ACSM2B: variants seen among roughly 807,000 people sequenced by gnomAD.
ACSM2B encodes acyl-CoA synthetase medium chain family member 2B, also known as acyl-coenzyme A synthetase ACSM2B, mitochondrial.
ACSM2B carries 58 observed loss-of-function variants against 78.6 expected under a neutral mutation model. The observed-to-expected ratio is 0.74, with a 90% CI of 0.60 to 0.92. The LOEUF (loss-of-function observed/expected upper bound fraction) is 0.92, where lower values mean the gene tolerates loss of function less well. Ranked by LOEUF, ACSM2B falls within the 40% of genes least tolerant of loss-of-function variation. The probability of loss-of-function intolerance (pLI) is 0.00; values close to 1 mark genes in which losing one functional copy is unlikely to be tolerated. For missense variants in ACSM2B, 688 were observed against 711.2 expected, an observed-to-expected ratio of 0.97 and a Z score of 0.37; for synonymous variants, 257 against 256.8, an observed-to-expected ratio of 1.00 and a Z score of -0.01.
At chr16:20,540,199 G>T (rs1370742276) in intron 13 of ACSM2B, among the ~76,000 whole-genome samples, 1 of 151,064 alleles carries the variant, frequency 6.6e-6, no homozygotes, top group Non-Finnish European at 1.5e-5. Context: ...GCTTTCTTGA[G>T]CATAGGAAGA....
intron 12 of ACSM2B, 175 bp downstream of exon 12, chr16:20,542,739 G>T: frequency 1.3e-6 from 1 of 762,802 alleles, no homozygotes; most frequent in Non-Finnish European, 2.1e-6. Context: ...TACAGATGAA[G>T]AAACTGAGAA....
Position 20,540,864 on chromosome 16 carries a change from C to A in ACSM2B, c.1510-91G>T, listed in dbSNP as rs2014969803. The A allele has an allele frequency of 7.9e-6, 12 of 1,518,368 alleles. No homozygotes were observed. In the East Asian group the frequency reaches 2.6e-4, roughly 33 times the overall value. 94.1% of individuals were successfully genotyped at this position (1,518,368 alleles called of 1,614,324 possible). A position where few individuals can be genotyped will look rare whatever the true frequency, so the allele number is the denominator to read the frequency against. On this transcript the variant is annotated intron_variant, in intron 12 of 13. Transcript: ENST00000329697. ...GAAATTAGCATTAAGACTTGCATCA[C>A]CCTTGTATCTACTCATTTGCACCCC...
chr16:20,549,301 T>A (rs2015233851), intron 6 of ACSM2B, among the ~76,000 whole-genome samples: 1 of 152,080 alleles, frequency 6.6e-6, no homozygotes, highest in African/African-American at 2.4e-5. Flanking sequence ...AGAAAATAAA[T>A]TTATTTCTTG....
chr16:20,554,406 A>T (rs191809323), intron 4 of ACSM2B, among the ~76,000 whole-genome samples: 2 of 152,310 alleles, frequency 1.3e-5, no homozygotes, highest in Admixed American at 1.3e-4. Flanking sequence ...TCTCTTGGAC[A>T]TCTCCAGTGT....
intron 1 of ACSM2B, among the ~76,000 whole-genome samples, chr16:20,565,406 A>G (rs1462747676): frequency 1.3e-5 from 2 of 152,156 alleles, no homozygotes; most frequent in African/African-American, 4.8e-5. Flanking sequence ...CTGTACCTTC[A>G]GACTGGGACC....
chr16:20,548,244 C>T (rs537623821), intron 7 of ACSM2B, 59 bp from the exon 8 acceptor site: 10 of 1,611,798 alleles, frequency 6.2e-6, no homozygotes, highest in Non-Finnish European at 7.6e-6. Flanking sequence ...TCCACTCAGG[C>T]CTAGACTTGG....
Position 20,574,926 on chromosome 16 carries a change from C to G in ACSM2B, c.-9+1281G>C, listed in dbSNP as rs556109168. 1.7e-4 allele frequency among the ~76,000 whole-genome samples: 25 copies of G among 148,232 alleles called. No homozygotes were observed. In the South Asian group the frequency reaches 5.1e-3, roughly 30 times the overall value. ...TTTATCCACTGAACTTAGGAGCAAC[C>G]AACCAGCTTCATTATGTTCCTTAGT... On this transcript the variant is annotated intron_variant, in intron 1 of 13. Coordinates refer to ENST00000329697, the MANE Select transcript of ACSM2B (RefSeq NM_001105069.2).
chr16:20,566,250 TATATATATATATATA>T (rs2015832073), intron 1 of ACSM2B, among the ~76,000 whole-genome samples: 1 of 42,330 alleles, frequency 2.4e-5, no homozygotes, highest in Admixed American at 2.5e-4. Flanking sequence ...TGGAAGATTA[TATATATATATATATA>T]TATATATATA....
chr16:20,566,553 TA>T (rs2015853351), intron 1 of ACSM2B, among the ~76,000 whole-genome samples: 1 of 102,184 alleles, frequency 9.8e-6, no homozygotes, highest in Non-Finnish European at 1.8e-5. Context: ...AACTATATAC[TA>T]TATATAGTAT....
In ACSM2B at chr16:20,555,418, C is replaced by T. The variant is rs1327327493; in HGVS notation, c.447G>A (p.Leu149=). 1.2e-6 allele frequency: 2 copies of T among 1,613,776 alleles called. No individual in the cohort carries two copies. Among genetic ancestry groups the T allele is most frequent in the African/African-American group, 2.7e-5 (2 of 74,904 alleles). Reference sequence around the variant, plus strand: ...CAATAGCCTTGGCCTTAGACATCTGCAACCTATACAGTATGTCAGTGGATT... The same window carrying T: ...CAATAGCCTTGGCCTTAGACATCTGTAACCTATACAGTATGTCAGTGGATT... ...QMKSTDILYR[L]QMSKAKAIVA... Residue 149 remains leucine (L), a synonymous_variant, in exon 4 of 14, where the codon TTG becomes TTA. Transcript: ENST00000329697.
chr16:20,555,147 C>G (rs781736539), intron 4 of ACSM2B, 122 bp downstream of exon 4: 6 of 1,476,454 alleles, frequency 4.1e-6, no homozygotes, highest in Non-Finnish European at 5.5e-6. Context: ...TTCTTCCCAG[C>G]TTCACTCTTC....
chr16:20,575,606 C>CTAGTCATGCTGGATTAGGTGGTGCCT (rs1425934019), intron 1 of ACSM2B: 1 of 150,520 alleles, frequency 6.6e-6, no homozygotes, highest in Non-Finnish European at 1.5e-5. Context: ...TCCTTATATT[C>CTAGTCATGCTGGATTAGGTGGTGCCT]TAGTCATGCT....
intron 8 of ACSM2B, chr16:20,547,163 T>C (rs1427537522): frequency 9.9e-7 from 1 of 1,015,098 alleles, no homozygotes; most frequent in Non-Finnish European, 1.2e-6. Context: ...AAAGGGCAAG[T>C]TGATTGACCC....
At chr16:20,560,347 C>T (rs925868870) in intron 2 of ACSM2B, among the ~76,000 whole-genome samples, 2 of 151,864 alleles carry the variant, frequency 1.3e-5, no homozygotes, top group Non-Finnish European at 2.9e-5. Flanking sequence ...GGGGGTGGGA[C>T]CCTCATGAAT....
intron 1 of ACSM2B, among the ~76,000 whole-genome samples, chr16:20,566,260 T>C (rs1359473470): frequency 4.0e-5 from 5 of 124,902 alleles, no homozygotes; most frequent in Admixed American, 8.6e-5. Context: ...TATATATATA[T>C]ATATATATAT....
intron 1 of ACSM2B, among the ~76,000 whole-genome samples, chr16:20,570,700 G>A (rs1188968522): frequency 6.6e-6 from 1 of 151,216 alleles, no homozygotes; most frequent in Non-Finnish European, 1.5e-5. Context: ...CTTTTTTGTT[G>A]TCGTTGTTGT....
chr16:20,548,158 G>A lies in ACSM2B; in HGVS notation c.1002C>T (p.Cys334=). The change falls in exon 8 of 14, where the codon TGC becomes TGT. Residue 334 remains cysteine, a synonymous_variant. Transcript: ENST00000329697. ...SSYKFPHLQN[C]LAGGESLLPE... ...GAAGAAGGGACTCCCCTCCAGCGAG[G>A]CAGTTCTGTAGATGGGGGAACTTGT... The A allele has an allele frequency of 2.5e-6, 4 of 1,614,050 alleles. No individual in the cohort carries two copies. Among genetic ancestry groups the A allele is most frequent in the Non-Finnish European group, 3.4e-6 (4 of 1,179,946 alleles).
chr16:20,547,263 T>C (rs2015170024), intron 8 of ACSM2B: 1 of 985,220 alleles, frequency 1.0e-6, no homozygotes, highest in Non-Finnish European at 1.2e-6. Flanking sequence ...CTCTGAATGG[T>C]GGGAGGCCCC....
intron 1 of ACSM2B, among the ~76,000 whole-genome samples, chr16:20,576,000 G>A (rs971796453): frequency 1.2e-4 from 18 of 149,716 alleles, no homozygotes; most frequent in Admixed American, 4.0e-4. Flanking sequence ...AGCTGCCCTC[G>A]TCTCTCCCTG....
Sources: allele counts gnomAD v4.1 joint callset (sites outside exome capture counted in the v4.1 genomes callset), GRCh38; gene constraint gnomAD v4.1.1; transcripts MANE v1.5; gene names NCBI Gene and HGNC (gene_info 2026-07-23, HGNC 2026-07-21).